MFHAS1: variants seen among roughly 807,000 people sequenced by gnomAD.
MFHAS1 encodes the protein multifunctional ROCO family signaling regulator 1.
Under a neutral mutation model 70.4 loss-of-function variants are expected in MFHAS1, and 50 were observed. The observed-to-expected ratio is 0.71, with a 90% CI of 0.57 to 0.90. The LOEUF (loss-of-function observed/expected upper bound fraction) is 0.90, where lower values mean the gene tolerates loss of function less well. MFHAS1 is among the 40% of genes least tolerant of loss of function. The pLI, the probability that MFHAS1 is intolerant of heterozygous loss-of-function variation, is 0.00. For synonymous variants in MFHAS1, 952 were observed against 620.0 expected, an observed-to-expected ratio of 1.54 and a Z score of -7.96; for missense variants, 1,795 against 1,347.6, an observed-to-expected ratio of 1.33 and a Z score of -5.20.
intron 1 of MFHAS1, among the ~76,000 whole-genome samples, chr8:8,819,625 A>AAAG (rs1806878923): frequency 6.6e-6 from 1 of 151,850 alleles, no homozygotes; most frequent in Non-Finnish European, 1.5e-5. Context: ...AAAAAAAAAA[A>AAAG]AGAATATCCA....
chr8:8,866,425 C>T (rs918893722), intron 1 of MFHAS1, among the ~76,000 whole-genome samples: 2 of 151,690 alleles, frequency 1.3e-5, no homozygotes, highest in African/African-American at 4.8e-5. Context: ...CTCAAACAAT[C>T]CTCCCACCTC....
chr8:8,787,120 G>T (rs1478329518), intron 2 of MFHAS1, among the ~76,000 whole-genome samples: 1 of 145,398 alleles, frequency 6.9e-6, no homozygotes, highest in Non-Finnish European at 1.5e-5. Flanking sequence ...TCGCTCTGTT[G>T]CCCAGGCTGG....
chr8:8,868,833 C>T (rs1019366008), intron 1 of MFHAS1, among the ~76,000 whole-genome samples: 1 of 152,136 alleles, frequency 6.6e-6, no homozygotes, highest in Non-Finnish European at 1.5e-5. Context: ...CCTCTGATAT[C>T]TCACTCAGAT....
At chr8:8,838,073 C>T (rs1396563135) in intron 1 of MFHAS1, among the ~76,000 whole-genome samples, 1 of 152,196 alleles carries the variant, frequency 6.6e-6, no homozygotes, top group Non-Finnish European at 1.5e-5. Context: ...CCGGCATATT[C>T]AGCAATAAGA....
chr8:8,891,673 G>T lies in MFHAS1; in HGVS notation c.1386C>A (p.Ser462Arg). ...PPVSKGIEVT[S>R]WTADASRGLR... ...GGCCCCGGGAGGCATCGGCCGTCCA[G>T]CTGGTCACCTCGATGCCCTTGCTCA... The change falls in exon 1 of 3, where the codon AGC becomes AGA. Residue 462 changes from serine to arginine, a missense_variant. By Grantham distance (110) the Ser-to-Arg change is moderately radical (BLOSUM62 -1). Coordinates refer to ENST00000276282, the MANE Select transcript of MFHAS1 (RefSeq NM_004225.3). The surrounding 1 kb of genome is among the most constrained non-coding windows in gnomAD (Gnocchi z 5.4). 1 of 1,613,604 alleles carries T rather than the reference G, an allele frequency of 6.2e-7. No homozygotes were observed. Among genetic ancestry groups the T allele is most frequent in the Non-Finnish European group, 8.5e-7 (1 of 1,180,030 alleles).
rs770029293 is a variant in MFHAS1, at chr8:8,891,198, G to C, written c.1861C>G (p.Leu621Val). 16 of 1,612,972 alleles carry C rather than the reference G, an allele frequency of 9.9e-6. No individual in the cohort carries two copies. In the South Asian group the frequency reaches 1.8e-4, roughly 18 times the overall value. ...CAGCTAACAGGCAACACGGGGGAGA[G>C]GATCTGCAGCCGGTGGTTGAGCAGG... is the stretch of plus-strand genomic sequence containing the variant. ...QYLLNHRLQI[L>V]SPVLPVSCRD... Residue 621 changes from leucine to valine, a missense_variant, in exon 1 of 3, where the codon CTC becomes GTC. Leu to Val is a conservative substitution (Grantham distance 32). Coordinates refer to ENST00000276282, the MANE Select transcript of MFHAS1 (RefSeq NM_004225.3). This position sits in a 1 kb window ranked among gnomAD's most constrained non-coding sequence, Gnocchi z 5.4.
chr8:8,886,343 T>C (rs1015141631), intron 1 of MFHAS1, among the ~76,000 whole-genome samples: 2 of 152,146 alleles, frequency 1.3e-5, no homozygotes, highest in Admixed American at 1.3e-4. Flanking sequence ...TTTTTTATTT[T>C]TTTTTGTAGA....
At chr8:8,828,948 C>A (rs146198702) in intron 1 of MFHAS1, among the ~76,000 whole-genome samples, 94 of 152,274 alleles carry the variant, frequency 6.2e-4, no homozygotes, top group African/African-American at 2.2e-3. Context: ...GCTAAGAGCA[C>A]CCCTGCCTCC....
intron 1 of MFHAS1, among the ~76,000 whole-genome samples, chr8:8,830,751 C>A (rs1807355753): frequency 6.6e-6 from 1 of 152,154 alleles, no homozygotes; most frequent in South Asian, 2.1e-4. Context: ...TACAGCACCA[C>A]CATGCCCGGC....
chr8:8,883,334 G>A (rs1168507206), intron 1 of MFHAS1, among the ~76,000 whole-genome samples: 1 of 152,242 alleles, frequency 6.6e-6, no homozygotes, highest in South Asian at 2.1e-4. Context: ...CCACCCGCTG[G>A]TTTTCAAAAC....
In MFHAS1 at chr8:8,884,793, C is replaced by A. The variant is rs28415881; in HGVS notation, c.2998+5268G>T. Among the ~76,000 whole-genome samples the A allele has an allele frequency of 3.0e-3, 454 of 152,152 alleles. 4 individuals carry two copies. The highest frequency in any genetic ancestry group is 0.01 in the African/African-American group (435 of 41,514). ...GCGAAACCCTGTCTCTACAAAACAA[C>A]ACAAAAATTAGCCAGGCATGGTAGG... On this transcript the variant is annotated intron_variant, in intron 1 of 2. Coordinates refer to ENST00000276282, the MANE Select transcript of MFHAS1 (RefSeq NM_004225.3).
At chr8:8,882,380 C>T (rs776769043) in intron 1 of MFHAS1, among the ~76,000 whole-genome samples, 49 of 151,856 alleles carry the variant, frequency 3.2e-4, no homozygotes, top group Non-Finnish European at 5.6e-4. Flanking sequence ...CAGAGCGAGA[C>T]TCAGTCTCAA....
intron 1 of MFHAS1, among the ~76,000 whole-genome samples, chr8:8,807,634 G>C (rs1284877991): frequency 6.6e-6 from 1 of 152,172 alleles, no homozygotes; most frequent in African/African-American, 2.4e-5. Flanking sequence ...ACAATGAAAA[G>C]AAGGCATTCG....
intron 1 of MFHAS1, among the ~76,000 whole-genome samples, chr8:8,840,970 A>G (rs193231901): frequency 6.2e-4 from 95 of 152,346 alleles, no homozygotes; most frequent in Middle Eastern, 6.8e-3. Flanking sequence ...CAAGGCACAC[A>G]AACTATGACA....
chr8:8,885,194 G>T (rs1372855166), intron 1 of MFHAS1, among the ~76,000 whole-genome samples: 3 of 152,082 alleles, frequency 2.0e-5, no homozygotes, highest in African/African-American at 7.2e-5. Context: ...AAGACATTTG[G>T]CATGAGATAC....
At chr8:8,867,528 A>T (rs995134964) in intron 1 of MFHAS1, among the ~76,000 whole-genome samples, 2 of 152,092 alleles carry the variant, frequency 1.3e-5, no homozygotes. Context: ...CACGCCAATA[A>T]GCTAATGATA....
chr8:8,854,593 G>A (rs1401264055), intron 1 of MFHAS1, among the ~76,000 whole-genome samples: 5 of 151,592 alleles, frequency 3.3e-5, no homozygotes, highest in Admixed American at 1.3e-4. Context: ...GCCGAGGTAT[G>A]AGAATTGCTT....
Position 8,852,252 on chromosome 8 carries a change from T to A in MFHAS1, c.2998+37809A>T, listed in dbSNP as rs576012794. The stretch of plus-strand genomic sequence containing the variant: ...CATTTGGGAAGCCGAGGCGGGCAGA[T>A]CACTTGAGGTCAGGAATTCGAGACC... On this transcript the variant is annotated intron_variant, in intron 1 of 2. Coordinates refer to ENST00000276282, the MANE Select transcript of MFHAS1 (RefSeq NM_004225.3). 3.3e-5 allele frequency among the ~76,000 whole-genome samples: 5 copies of A among 152,228 alleles called. No homozygotes were observed. In the East Asian group the frequency reaches 7.7e-4, roughly 24 times the overall value.
At chr8:8,879,374 T>G (rs1022335523) in intron 1 of MFHAS1, among the ~76,000 whole-genome samples, 5 of 152,106 alleles carry the variant, frequency 3.3e-5, no homozygotes, top group African/African-American at 9.7e-5. Flanking sequence ...TAAGGACTCC[T>G]GAAGAAAAGG....
Sources: allele counts gnomAD v4.1 joint callset (sites outside exome capture counted in the v4.1 genomes callset), GRCh38; gene constraint gnomAD v4.1.1; non-coding constraint Gnocchi (gnomAD v3.1); transcripts MANE v1.5; gene names NCBI Gene and HGNC (gene_info 2026-07-23, HGNC 2026-07-21).